The following DGLUCY variants were observed in gnomAD, a reference collection of about 807,000 sequenced individuals.
DGLUCY encodes the protein D-glutamate cyclase, also known as D-glutamate cyclase, mitochondrial.
Under a neutral mutation model 58.5 loss-of-function variants are expected in DGLUCY, and 58 were observed. That is an observed-to-expected ratio of 0.99 (90% CI 0.80 to 1.23). The LOEUF (loss-of-function observed/expected upper bound fraction) is 1.23. DGLUCY is among the 50% of genes most tolerant of loss of function. The pLI is 0.00. For synonymous variants in DGLUCY, 325 were observed against 314.1 expected, an observed-to-expected ratio of 1.03 and a Z score of -0.37; for missense variants, 779 against 784.7, an observed-to-expected ratio of 0.99 and a Z score of 0.09.
chr14:91,162,670 G>A (rs2048056993), intron 3 of DGLUCY, among the ~76,000 whole-genome samples: 1 of 152,220 alleles, frequency 6.6e-6, no homozygotes, highest in Admixed American at 6.5e-5. Context: ...GCCAAGGCAA[G>A]TGGATCACCT....
chr14:91,186,608 G>C (rs77288600), intron 8 of DGLUCY, among the ~76,000 whole-genome samples: 1,922 of 152,238 alleles, frequency 0.013, 50 homozygotes, highest in African/African-American at 0.044. Flanking sequence ...TTAATATGCT[G>C]TTATTTAATA....
chr14:91,158,323 C>A (rs1350663390), intron 2 of DGLUCY, among the ~76,000 whole-genome samples: 1 of 152,180 alleles, frequency 6.6e-6, no homozygotes, highest in Non-Finnish European at 1.5e-5. Flanking sequence ...CCCAGCACCC[C>A]CTCCCACTAG....
chr14:91,182,652 T>G (rs570968305), intron 8 of DGLUCY, among the ~76,000 whole-genome samples: 1 of 152,190 alleles, frequency 6.6e-6, no homozygotes, highest in African/African-American at 2.4e-5. Context: ...TGCCCTGGGG[T>G]TGGGCATGGA....
chr14:91,075,413 G>A (rs187025178), intron 1 of DGLUCY, among the ~76,000 whole-genome samples: 2 of 152,234 alleles, frequency 1.3e-5, no homozygotes, highest in Admixed American at 6.5e-5. Context: ...AAAGTGCTGG[G>A]ATGGCAGGCA....
intron 1 of DGLUCY, among the ~76,000 whole-genome samples, chr14:91,072,798 G>GA (rs2043945727): frequency 6.6e-6 from 1 of 152,150 alleles, no homozygotes; most frequent in Admixed American, 6.6e-5. Flanking sequence ...GAGGCGGGCA[G>GA]ATCACGAGGT....
intron 11 of DGLUCY, among the ~76,000 whole-genome samples, chr14:91,200,286 G>A (rs980638224): frequency 5.3e-5 from 8 of 152,062 alleles, no homozygotes; most frequent in African/African-American, 1.7e-4. Context: ...TTGAACACAC[G>A]ACCAGAAAGA....
chr14:91,064,450 C>T (rs1172079109), intron 1 of DGLUCY, among the ~76,000 whole-genome samples: 3 of 151,828 alleles, frequency 2.0e-5, no homozygotes, highest in African/African-American at 7.2e-5. Context: ...AGGTGAAACC[C>T]TATCTCTACT....
chr14:91,068,081 A>G (rs12897770), intron 1 of DGLUCY, among the ~76,000 whole-genome samples: 5,961 of 19,224 alleles, frequency 0.31, 321 homozygotes, highest in African/African-American at 0.44. Flanking sequence ...ACGCGCACGC[A>G]CACACACACA....
chr14:91,160,124 CA>C (rs903404427), intron 2 of DGLUCY, 141 bp from the exon 3 acceptor site: 1 of 648,248 alleles, frequency 1.5e-6, no homozygotes, highest in African/African-American at 1.9e-5. Flanking sequence ...GGATTCCAAA[CA>C]ATGCCCACCA....
At chr14:91,077,108 G>A (rs2044033684) in intron 1 of DGLUCY, among the ~76,000 whole-genome samples, 1 of 151,988 alleles carries the variant, frequency 6.6e-6, no homozygotes, top group East Asian at 1.9e-4. Flanking sequence ...GCCAGGTGTG[G>A]TGGTGTGTGT....
At chr14:91,167,705 A>C (rs1449429505) in intron 4 of DGLUCY, 2 of 700,612 alleles carry the variant, frequency 2.9e-6, no homozygotes, top group Non-Finnish European at 5.2e-6. Context: ...GAAAATAAAA[A>C]ACACTTGCAT....
In DGLUCY at chr14:91,204,659, C is replaced by G. The variant is rs557257805; in HGVS notation, c.1445-47C>G. 8.1e-6 allele frequency: 13 copies of G among 1,598,368 alleles called. No individual in the cohort carries two copies. The East Asian group carries it at 2.3e-4, about 28-fold the overall frequency. ...GGGCTGCCTTGCTTCAGGCCTCCCC[C>G]ATTTTGCCCTGGTCCCGTGCACTGA... On this transcript the variant is annotated intron_variant, in intron 11 of 13. Transcript: ENST00000256324.
At chr14:91,212,477 C>T (rs1044776783) in intron 12 of DGLUCY, among the ~76,000 whole-genome samples, 5 of 152,310 alleles carry the variant, frequency 3.3e-5, no homozygotes, top group Non-Finnish European at 7.3e-5. Flanking sequence ...CTATGTAAGG[C>T]ATTTACAACA....
intron 1 of DGLUCY, among the ~76,000 whole-genome samples, chr14:91,149,257 A>AG (rs1566967073): frequency 6.6e-6 from 1 of 152,028 alleles, no homozygotes; most frequent in African/African-American, 2.4e-5. Context: ...CAAAAAAAAA[A>AG]AAAAGAAAAG....
At chr14:91,215,382 G>A in intron 12 of DGLUCY, 23 bp from the exon 13 acceptor site, 3 of 1,583,696 alleles carry the variant, frequency 1.9e-6, no homozygotes, top group Non-Finnish European at 2.6e-6. Context: ...ACTCCATGAT[G>A]GAATCTTGTT....
At chr14:91,095,652 C>G (rs2044381838) in intron 1 of DGLUCY, among the ~76,000 whole-genome samples, 1 of 152,120 alleles carries the variant, frequency 6.6e-6, no homozygotes, top group Non-Finnish European at 1.5e-5. Context: ...AGAACAAAGA[C>G]TTGCAATTAT....
intron 3 of DGLUCY, among the ~76,000 whole-genome samples, chr14:91,162,585 A>G (rs762506878): frequency 6.6e-6 from 1 of 152,186 alleles, no homozygotes; most frequent in Admixed American, 6.5e-5. Context: ...CAAAACCTGC[A>G]AAGTTCATTT....
chr14:91,075,049 G>A (rs2043997299), intron 1 of DGLUCY, among the ~76,000 whole-genome samples: 1 of 146,960 alleles, frequency 6.8e-6, no homozygotes, highest in Non-Finnish European at 1.5e-5. Context: ...TCCAGCGTGG[G>A]CAACAAGAGA....
intron 1 of DGLUCY, among the ~76,000 whole-genome samples, chr14:91,075,901 T>C (rs867226189): frequency 1.3e-5 from 2 of 152,038 alleles, no homozygotes; most frequent in Non-Finnish European, 1.5e-5. Flanking sequence ...TCACCTGAGG[T>C]TGGGAGTTCG....
Sources: gnomAD v4.1 joint callset for allele counts (sites outside exome capture counted in the v4.1 genomes callset) on GRCh38, gnomAD v4.1.1 for gene constraint, MANE v1.5 for transcripts, NCBI Gene and HGNC (gene_info 2026-07-23, HGNC 2026-07-21) for gene names.